The following SHLD3 variants were observed in gnomAD, a reference collection of about 807,000 sequenced individuals.
SHLD3 encodes shieldin complex subunit 3.
Under a neutral mutation model 21.4 loss-of-function variants are expected in SHLD3, and 15 were observed. The observed-to-expected ratio is 0.70, with a 90% CI of 0.47 to 1.08. The LOEUF is 1.08. Among genes scored for constraint, SHLD3 ranks in the 50% least tolerant of loss-of-function variants. The probability of loss-of-function intolerance (pLI) is 0.00; values close to 1 mark genes in which losing one functional copy is unlikely to be tolerated. For synonymous variants in SHLD3, 103 were observed against 97.2 expected (o/e 1.06, Z -0.35); for missense variants, 273 against 286.1 (o/e 0.95, Z 0.33).
At chr5:65,626,579 A>T (rs1029480498) in intron 1 of SHLD3, among the ~76,000 whole-genome samples, 1 of 152,152 alleles carries the variant, frequency 6.6e-6, no homozygotes, top group African/African-American at 2.4e-5. Context: ...CTATAAAAAT[A>T]CAAAAAGTTA....
intron 1 of SHLD3, among the ~76,000 whole-genome samples, chr5:65,628,332 C>G (rs566349933): frequency 2.3e-4 from 35 of 152,324 alleles, no homozygotes; most frequent in Middle Eastern, 3.4e-3. Context: ...TGTCACAAAA[C>G]TGGTTCTTAG....
At chr5:65,625,251 G>T in intron 1 of SHLD3, 145 bp downstream of exon 1, 1 of 699,774 alleles carries the variant, frequency 1.4e-6, no homozygotes, top group South Asian at 1.7e-5. Flanking sequence ...GGGAGGAAGC[G>T]ATTTCTCCTG....
chr5:65,629,241 G>A (rs1355117284), intron 1 of SHLD3, among the ~76,000 whole-genome samples: 2 of 152,040 alleles, frequency 1.3e-5, no homozygotes, highest in African/African-American at 2.4e-5. Context: ...TTGACTACTA[G>A]CGTTTTTAGG....
At position 65,629,615 on chromosome 5, in the gene SHLD3, C is replaced by T. The variant is rs931362557; in HGVS notation, c.28C>T (p.Arg10Ter). 3 of 1,534,234 alleles carry T rather than the reference C, an allele frequency of 2.0e-6. No individual in the cohort carries two copies. The highest frequency in any genetic ancestry group is 2.6e-6 in the Non-Finnish European group (3 of 1,146,098). Residue 10 changes from arginine to a stop codon, truncating the protein, a stop_gained, in exon 2 of 2, where the codon CGA becomes TGA. Coordinates refer to ENST00000510585, the MANE Select transcript of SHLD3 (RefSeq NM_001365341.2). LOFTEE classifies it high-confidence loss of function. ...GACTACAGAAGTAATATTACATTAT[C>T]GACCATGTGAGAGTGATCCCACACA... The part of the protein sequence containing the change: MTTEVILHY[R>*]PCESDPTQLP...
At chr5:65,625,793 G>A (rs1452719720) in intron 1 of SHLD3, 1 of 151,668 alleles carries the variant, frequency 6.6e-6, no homozygotes, top group Non-Finnish European at 1.5e-5. Flanking sequence ...TATTTTATTT[G>A]TTTTTTACTA....
Position 65,630,782 on chromosome 5 carries a change from G to T in SHLD3, c.*442G>T. On this transcript the variant is annotated 3_prime_UTR_variant, in exon 2 of 2. Coordinates refer to ENST00000510585, the MANE Select transcript of SHLD3 (RefSeq NM_001365341.2). ...CTAGATTTATAATGATGTTTCCAAA[G>T]ATATGTAATAACAATTGATAGGCTG... The T allele has an allele frequency of 1.6e-6, 1 of 644,284 alleles. No homozygotes were observed. Among genetic ancestry groups the T allele is most frequent in the Non-Finnish European group, 1.9e-6 (1 of 517,602 alleles). 39.9% of individuals were successfully genotyped at this position (644,284 alleles called of 1,614,324 possible).
intron 1 of SHLD3, among the ~76,000 whole-genome samples, chr5:65,627,285 C>T (rs1755287425): frequency 1.3e-5 from 2 of 152,000 alleles, no homozygotes; most frequent in African/African-American, 4.8e-5. Context: ...TCACACATTT[C>T]AATGTGCTGA....
chr5:65,628,511 G>A (rs1315725307), intron 1 of SHLD3, among the ~76,000 whole-genome samples: 1 of 150,506 alleles, frequency 6.6e-6, no homozygotes, highest in Non-Finnish European at 1.5e-5. Context: ...CCAGGCTGGA[G>A]TGCAATGGGA....
In SHLD3 at chr5:65,630,298, T is replaced by A; in HGVS notation, c.711T>A (p.Ile237=). ...LKGRLALTGK[I]NLFVHKYGVI... is the part of the protein sequence containing the mutation. ...GAAGATTAGCTCTTACTGGAAAAAT[T>A]AATTTATTTGTGCATAAATATGGTG... Residue 237 remains isoleucine (I), a synonymous_variant, in exon 2 of 2, where the codon ATT becomes ATA. Transcript: ENST00000510585. The A allele has an allele frequency of 1.3e-6, 2 of 1,530,622 alleles. No individual in the cohort carries two copies. Among genetic ancestry groups the A allele is most frequent in the Non-Finnish European group, 1.7e-6 (2 of 1,143,530 alleles). 94.8% of individuals were successfully genotyped at this position (1,530,622 alleles called of 1,614,324 possible). A position where few individuals can be genotyped will look rare whatever the true frequency, so the allele number is the denominator to read the frequency against.
At chr5:65,626,776 A>T (rs1755254782) in intron 1 of SHLD3, among the ~76,000 whole-genome samples, 1 of 152,070 alleles carries the variant, frequency 6.6e-6, no homozygotes, top group Admixed American at 6.5e-5. Flanking sequence ...AGTGATACAG[A>T]GACTGCCACT....
Position 65,629,673 on chromosome 5 carries a change from A to G in SHLD3, c.86A>G (p.Asp29Gly), listed in dbSNP as rs1200845378. Residue 29 changes from aspartate to glycine, a missense_variant, in exon 2 of 2, where the codon GAC (aspartate) becomes GGC (glycine). Transcript: ENST00000510585. ...LPKIAEKAIQ[D>G]FPTRPLSRFI... ...AAAATTGCAGAAAAAGCAATTCAAG[A>G]CTTTCCTACTCGTCCGCTATCAAGA... 18 of 1,535,920 alleles carry G rather than the reference A, an allele frequency of 1.2e-5. No individual in the cohort carries two copies. The Admixed American group carries it at 3.5e-4, about 30-fold the overall frequency.
chr5:65,628,504 G>A (rs1478563578), intron 1 of SHLD3, among the ~76,000 whole-genome samples: 1 of 149,876 alleles, frequency 6.7e-6, no homozygotes, highest in Non-Finnish European at 1.5e-5. Flanking sequence ...CTGTCACCCA[G>A]GCTGGAGTGC....
In SHLD3 at chr5:65,629,623, T is replaced by C. The variant is rs1048534153; in HGVS notation, c.36T>C (p.Cys12=). The C allele has an allele frequency of 2.4e-5, 37 of 1,535,626 alleles. No individual in the cohort carries two copies. Among genetic ancestry groups the C allele is most frequent in the Non-Finnish European group, 3.1e-5 (35 of 1,146,706 alleles). ...AAGTAATATTACATTATCGACCATG[T>C]GAGAGTGATCCCACACAACTGCCAA... ...TTEVILHYRP[C]ESDPTQLPKI... is the part of the protein sequence containing the mutation. Residue 12 remains cysteine, a synonymous_variant, in exon 2 of 2, where the codon TGT becomes TGC. Transcript: ENST00000510585.
At chr5:65,628,098 G>T (rs1755334163) in intron 1 of SHLD3, among the ~76,000 whole-genome samples, 2 of 152,134 alleles carry the variant, frequency 1.3e-5, no homozygotes, top group Admixed American at 1.3e-4. Context: ...GGCCTGATTA[G>T]CAAGCCTAAC....
At chr5:65,626,708 C>T (rs767811384) in intron 1 of SHLD3, among the ~76,000 whole-genome samples, 2 of 152,040 alleles carry the variant, frequency 1.3e-5, no homozygotes, top group Admixed American at 6.5e-5. Flanking sequence ...TGCACGCCAT[C>T]CTAGGCAACA....
At position 65,630,141 on chromosome 5, in the gene SHLD3, G is replaced by A; in HGVS notation, c.554G>A (p.Trp185Ter). Reference sequence around the variant, plus strand: ...AACAGCCAAACTCTGGAAGACATTTGGACAAAACTCAATCAAATTATTAGG... The same window carrying A: ...AACAGCCAAACTCTGGAAGACATTTAGACAAAACTCAATCAAATTATTAGG... ...ICNSQTLEDI[W>*]TKLNQIIRHN... is the part of the protein sequence containing the mutation. Residue 185 changes from tryptophan (W) to a stop codon, truncating the protein, a stop_gained, in exon 2 of 2, where the codon TGG becomes TAG. Coordinates refer to ENST00000510585, the MANE Select transcript of SHLD3 (RefSeq NM_001365341.2). LOFTEE classifies it high-confidence loss of function. 1.3e-6 allele frequency: 2 copies of A among 1,535,960 alleles called. No homozygotes were observed. Among genetic ancestry groups the A allele is most frequent in the Non-Finnish European group, 1.7e-6 (2 of 1,146,850 alleles).
intron 1 of SHLD3, chr5:65,626,241 G>A (rs1441820348): frequency 2.6e-5 from 4 of 152,212 alleles, no homozygotes; most frequent in Non-Finnish European, 4.4e-5. Flanking sequence ...CAGAGTTTAA[G>A]TAACTTTTCC....
chr5:65,629,363 C>A (rs1488388728), intron 1 of SHLD3, 105 bp from the exon 2 acceptor site: 8 of 796,250 alleles, frequency 1.0e-5, no homozygotes, highest in Admixed American at 3.9e-5. Flanking sequence ...TGGTAAAATA[C>A]CACATTGGGA....
intron 1 of SHLD3, among the ~76,000 whole-genome samples, chr5:65,628,885 T>TCC (rs1755386658): frequency 6.6e-6 from 1 of 151,866 alleles, no homozygotes; most frequent in Non-Finnish European, 1.5e-5. Context: ...TGGCATGATC[T>TCC]TGGCTCACTG....
Sources: allele counts gnomAD v4.1 joint callset (sites outside exome capture counted in the v4.1 genomes callset), GRCh38; gene constraint gnomAD v4.1.1; transcripts MANE v1.5; gene names NCBI Gene and HGNC (gene_info 2026-07-23, HGNC 2026-07-21).